SLC2A13: variants seen among roughly 807,000 people sequenced by gnomAD.
The protein encoded by SLC2A13 is solute carrier family 2 member 13, also known as proton myo-inositol cotransporter.
A neutral mutation model predicts 64.4 loss-of-function variants in SLC2A13; 32 were observed. The observed-to-expected ratio is 0.50, with a 90% CI of 0.37 to 0.67. The LOEUF (loss-of-function observed/expected upper bound fraction) is 0.67, where lower values mean the gene tolerates loss of function less well. Among genes scored for constraint, SLC2A13 ranks in the 30% least tolerant of loss-of-function variants. The probability of loss-of-function intolerance (pLI) is 0.00; values close to 1 mark genes in which losing one functional copy is unlikely to be tolerated. For missense variants in SLC2A13, 743 were observed against 829.2 expected (o/e 0.90, Z 1.28); for synonymous variants, 338 against 327.1 (o/e 1.03, Z -0.36).
At chr12:40,078,533 A>G (rs900041154) in intron 1 of SLC2A13, among the ~76,000 whole-genome samples, 8 of 152,056 alleles carry the variant, frequency 5.3e-5, no homozygotes, top group African/African-American at 1.9e-4. Flanking sequence ...GCTGGATTCA[A>G]TTTGCTAGTG....
chr12:39,841,397 A>G (rs1006798861), intron 6 of SLC2A13, among the ~76,000 whole-genome samples: 3 of 152,116 alleles, frequency 2.0e-5, no homozygotes, highest in Non-Finnish European at 4.4e-5. Context: ...GAACTCTCTA[A>G]TGGAGAAGGA....
intron 3 of SLC2A13, among the ~76,000 whole-genome samples, chr12:40,004,802 C>G (rs945395434): frequency 1.3e-5 from 2 of 151,738 alleles, no homozygotes; most frequent in African/African-American, 4.8e-5. Flanking sequence ...GTCATATGTA[C>G]TATATACTGT....
intron 2 of SLC2A13, among the ~76,000 whole-genome samples, chr12:40,029,066 C>T (rs942843157): frequency 6.6e-6 from 1 of 151,038 alleles, no homozygotes; most frequent in African/African-American, 2.4e-5. Flanking sequence ...TGGGGGCCCA[C>T]AGGAAAAAAA....
intron 4 of SLC2A13, among the ~76,000 whole-genome samples, chr12:39,900,887 C>T (rs1433315287): frequency 1.3e-5 from 2 of 152,176 alleles, no homozygotes; most frequent in Non-Finnish European, 2.9e-5. Context: ...CCAAGTCAAT[C>T]CTAAGCCAAA....
At chr12:40,104,203 A>C (rs1260921695) in intron 1 of SLC2A13, among the ~76,000 whole-genome samples, 1 of 152,218 alleles carries the variant, frequency 6.6e-6, no homozygotes, top group African/African-American at 2.4e-5. Context: ...GGAAACAAAA[A>C]ACTGAATTAT....
intron 7 of SLC2A13, among the ~76,000 whole-genome samples, chr12:39,772,062 C>G (rs555829770): frequency 6.6e-6 from 1 of 152,216 alleles, no homozygotes; most frequent in East Asian, 1.9e-4. Flanking sequence ...CTCCTCCTCT[C>G]AACTCCTTTT....
chr12:39,911,171 T>C (rs1458149700), intron 4 of SLC2A13, among the ~76,000 whole-genome samples: 1 of 152,098 alleles, frequency 6.6e-6, no homozygotes, highest in African/African-American at 2.4e-5. Flanking sequence ...CTCTAATATG[T>C]GTTCCTGCTA....
chr12:39,911,265 T>G (rs1184103390), intron 4 of SLC2A13, among the ~76,000 whole-genome samples: 1 of 152,096 alleles, frequency 6.6e-6, no homozygotes, highest in African/African-American at 2.4e-5. Flanking sequence ...AATGAGTTTT[T>G]AAAAATTAAT....
rs180980639 is a variant in SLC2A13 at position 40,082,191 on chromosome 12, C to T, written c.556+23062G>A. Among the ~76,000 whole-genome samples the T allele has an allele frequency of 1.1e-3, 170 of 152,282 alleles. 2 individuals are homozygous for T. The highest frequency in any genetic ancestry group is 2.1e-4 in the South Asian group (1 of 4,828). On this transcript the variant is annotated intron_variant, in intron 1 of 9. Coordinates refer to ENST00000280871, the MANE Select transcript of SLC2A13 (RefSeq NM_052885.4). ...TGTGGTAGTGAGGTTAGCATGCACA[C>T]GGCATGTACACATAGTGTTCACTGA...
At position 39,764,979 on chromosome 12, in the gene SLC2A13, T is replaced by C. The variant is rs537405885; in HGVS notation, c.1446-121A>G. On this transcript the variant is annotated intron_variant, in intron 7 of 9. Transcript: ENST00000280871. ...ATGTCTTAAGAGTCCAAAATGTTTTTCTTAAAAAATAAGAACTAAATATAC... is the reference window on the plus strand; with the variant it reads ...ATGTCTTAAGAGTCCAAAATGTTTTCCTTAAAAAATAAGAACTAAATATAC... The C allele has an allele frequency of 1.4e-5, 16 of 1,163,562 alleles. No homozygotes were observed. In the South Asian group the frequency reaches 2.0e-4, roughly 15 times the overall value. 72.1% of individuals were successfully genotyped at this position (1,163,562 alleles called of 1,614,324 possible). A position where few individuals can be genotyped will look rare whatever the true frequency, so the allele number is the denominator to read the frequency against.
At chr12:39,859,091 G>A (rs1054003497) in intron 6 of SLC2A13, among the ~76,000 whole-genome samples, 3 of 151,994 alleles carry the variant, frequency 2.0e-5, no homozygotes, top group African/African-American at 7.3e-5. Flanking sequence ...TTTATGAGGG[G>A]CATACTGTTT....
chr12:39,944,653 A>T (rs1183341500), intron 4 of SLC2A13, among the ~76,000 whole-genome samples: 3 of 152,224 alleles, frequency 2.0e-5, no homozygotes, highest in Non-Finnish European at 4.4e-5. Context: ...CTGATATAAG[A>T]ATAGCTACCC....
At chr12:39,835,415 T>C (rs1942979163) in intron 6 of SLC2A13, among the ~76,000 whole-genome samples, 1 of 152,078 alleles carries the variant, frequency 6.6e-6, no homozygotes, top group South Asian at 2.1e-4. Flanking sequence ...AGGGCAGAAA[T>C]TATAGGTATG....
chr12:39,900,759 C>T lies in SLC2A13; in HGVS notation c.1035-28798G>A, dbSNP rs1261828236. 1.4e-4 allele frequency among the ~76,000 whole-genome samples: 21 copies of T among 152,276 alleles called. No individual in the cohort carries two copies. In the South Asian group the frequency reaches 1.5e-3, roughly 11 times the overall value. On this transcript the variant is annotated intron_variant, in intron 4 of 9. Transcript: ENST00000280871. Reference sequence around the variant, plus strand: ...AATCAATATTGTGAAAATGGCCATACTGCCCAAGGTAATTTATAGATTCAA... The same window carrying T: ...AATCAATATTGTGAAAATGGCCATATTGCCCAAGGTAATTTATAGATTCAA...
At chr12:39,805,150 G>A (rs1261851441) in intron 7 of SLC2A13, among the ~76,000 whole-genome samples, 1 of 152,196 alleles carries the variant, frequency 6.6e-6, no homozygotes, top group Non-Finnish European at 1.5e-5. Flanking sequence ...GCCAGGCCAG[G>A]CCAGAGAGTT....
chr12:39,866,566 C>A (rs544967391), intron 5 of SLC2A13, among the ~76,000 whole-genome samples: 1 of 152,018 alleles, frequency 6.6e-6, no homozygotes. Flanking sequence ...GCAGGCTCCG[C>A]CCCCCGGGGT....
At chr12:39,990,936 C>G (rs2128277) in intron 3 of SLC2A13, among the ~76,000 whole-genome samples, 55,300 of 151,818 alleles carry the variant, frequency 0.36, 10,232 homozygotes, top group Non-Finnish European at 0.41. Context: ...TTTTCATCAA[C>G]GGAGCTCTCT....
At chr12:40,018,022 G>T (rs571444806) in intron 3 of SLC2A13, among the ~76,000 whole-genome samples, 1 of 149,718 alleles carries the variant, frequency 6.7e-6, no homozygotes, top group African/African-American at 2.5e-5. Context: ...AGGAAAGAAC[G>T]TGAATAGCAT....
intron 2 of SLC2A13, among the ~76,000 whole-genome samples, chr12:40,045,542 A>G (rs1394071312): frequency 6.7e-6 from 1 of 150,256 alleles, no homozygotes; most frequent in South Asian, 2.1e-4. Context: ...TAAGGATACT[A>G]GATAACAGAA....
Sources: allele counts gnomAD v4.1 joint callset (sites outside exome capture counted in the v4.1 genomes callset), GRCh38; gene constraint gnomAD v4.1.1; transcripts MANE v1.5; gene names NCBI Gene and HGNC (gene_info 2026-07-23, HGNC 2026-07-21).